The following CROT variants were observed in gnomAD, a reference collection of about 807,000 sequenced individuals.
The protein encoded by CROT is carnitine O-octanoyltransferase, also known as peroxisomal carnitine O-octanoyltransferase.
A neutral mutation model predicts 89.2 loss-of-function variants in CROT; 84 were observed. The observed-to-expected ratio is 0.94, with a 90% confidence interval of 0.79 to 1.13. The LOEUF (loss-of-function observed/expected upper bound fraction) is 1.13. Ranked by LOEUF, CROT falls within the 50% of genes most tolerant of loss-of-function variation. The pLI, the probability that CROT is intolerant of heterozygous loss-of-function variation, is 0.00. For missense variants in CROT, 711 were observed against 727.8 expected, an observed-to-expected ratio of 0.98 and a Z score of 0.27; for synonymous variants, 212 against 239.5, an observed-to-expected ratio of 0.89 and a Z score of 1.06.
intron 6 of CROT, among the ~76,000 whole-genome samples, chr7:87,365,089 A>C (rs534039181): frequency 1.3e-5 from 2 of 152,252 alleles, no homozygotes; most frequent in South Asian, 4.1e-4. Context: ...TTTTTTCTTC[A>C]GCATCAGTGA....
At chr7:87,359,894 A>G in intron 4 of CROT, 1 of 985,666 alleles carries the variant, frequency 1.0e-6, no homozygotes, top group African/African-American at 1.7e-5. Flanking sequence ...GTACTTCTCT[A>G]CTATGAATCA....
chr7:87,381,529 C>T (rs2116020520), intron 10 of CROT, among the ~76,000 whole-genome samples: 1 of 152,338 alleles, frequency 6.6e-6, no homozygotes, highest in South Asian at 2.1e-4. Flanking sequence ...TTGCCATCCC[C>T]ATCTGCTTTT....
intron 1 of CROT, 95 bp downstream of exon 1, chr7:87,345,862 G>T (rs776140391): frequency 1.9e-4 from 30 of 159,614 alleles, no homozygotes; most frequent in Admixed American, 6.6e-5. Context: ...GCCTGGATTT[G>T]GTGGGGGAGT....
intron 7 of CROT, among the ~76,000 whole-genome samples, chr7:87,371,670 T>C (rs1014119582): frequency 5.3e-5 from 8 of 152,164 alleles, no homozygotes; most frequent in African/African-American, 1.9e-4. Context: ...CTAATCATTG[T>C]TGACATGGTA....
intron 3 of CROT, chr7:87,357,597 T>C: frequency 1.9e-6 from 2 of 1,043,246 alleles, no homozygotes; most frequent in Non-Finnish European, 2.9e-6. Flanking sequence ...CAAGGTGAGT[T>C]GCAGAGTGCA....
intron 10 of CROT, among the ~76,000 whole-genome samples, chr7:87,377,769 G>C (rs1181517299): frequency 6.6e-6 from 1 of 152,092 alleles, no homozygotes; most frequent in African/African-American, 2.4e-5. Context: ...ATGGCATTAT[G>C]TATGTGTTCT....
At chr7:87,395,809 C>G (rs1462910666) in intron 17 of CROT, among the ~76,000 whole-genome samples, 2 of 152,078 alleles carry the variant, frequency 1.3e-5, no homozygotes, top group Admixed American at 1.3e-4. Flanking sequence ...AGACATGTCT[C>G]TAATTCAGGC....
chr7:87,370,711 C>A (rs802056), intron 7 of CROT, among the ~76,000 whole-genome samples: 3,355 of 152,286 alleles, frequency 0.022, 132 homozygotes, highest in African/African-American at 0.075. Context: ...CTCTTCCAGA[C>A]TTTCACTCCT....
At chr7:87,370,836 G>A (rs994688872) in intron 7 of CROT, among the ~76,000 whole-genome samples, 25 of 152,166 alleles carry the variant, frequency 1.6e-4, no homozygotes, top group African/African-American at 5.8e-4. Flanking sequence ...TCTGTCTGGA[G>A]CACACCCAGG....
At chr7:87,374,576 A>G (rs1392032006) in intron 7 of CROT, among the ~76,000 whole-genome samples, 1 of 152,092 alleles carries the variant, frequency 6.6e-6, no homozygotes, top group Non-Finnish European at 1.5e-5. Flanking sequence ...ATCAGTAGTT[A>G]CTAAAGAAAG....
chr7:87,375,501 GCAT>G, intron 7 of CROT, 128 bp from the exon 8 acceptor site: 1 of 585,352 alleles, frequency 1.7e-6, no homozygotes, highest in Non-Finnish European at 3.0e-6. Context: ...AAATCTATTG[GCAT>G]CATAAGTGGT....
chr7:87,387,375 G>T (rs1807214869), intron 13 of CROT, among the ~76,000 whole-genome samples: 1 of 151,302 alleles, frequency 6.6e-6, no homozygotes, highest in Non-Finnish European at 1.5e-5. Flanking sequence ...TTATTTTCTA[G>T]TTATCCCATC....
At chr7:87,365,438 C>T (rs937425951) in intron 6 of CROT, among the ~76,000 whole-genome samples, 45 of 150,058 alleles carry the variant, frequency 3.0e-4, no homozygotes, top group Non-Finnish European at 5.2e-4. Flanking sequence ...TGCAGTGAGC[C>T]GAGATCATGC....
chr7:87,360,566 C>T (rs1225353507), intron 4 of CROT, among the ~76,000 whole-genome samples: 2 of 152,134 alleles, frequency 1.3e-5, no homozygotes, highest in African/African-American at 4.8e-5. Flanking sequence ...GTCTCAAATT[C>T]CTGGCCTCAA....
chr7:87,349,877 A>T (rs756146342), intron 3 of CROT, among the ~76,000 whole-genome samples: 3 of 152,158 alleles, frequency 2.0e-5, no homozygotes, highest in Admixed American at 6.5e-5. Flanking sequence ...GAGGCAGTAG[A>T]TGTTGATGGT....
At chr7:87,397,985 A>G (rs1343590794) in intron 17 of CROT, among the ~76,000 whole-genome samples, 5 of 152,070 alleles carry the variant, frequency 3.3e-5, no homozygotes, top group African/African-American at 1.2e-4. Flanking sequence ...CACTTGCCAG[A>G]TCTGGGATTT....
intron 17 of CROT, 64 bp from the exon 18 acceptor site, chr7:87,398,460 T>TTGTA (rs1179762194): frequency 6.3e-7 from 1 of 1,584,410 alleles, no homozygotes; most frequent in African/African-American, 1.3e-5. Flanking sequence ...AAAGTCCTGG[T>TTGTA]TGTATTCACC....
At chr7:87,346,042 T>A (rs1805658692) in intron 1 of CROT, among the ~76,000 whole-genome samples, 1 of 152,186 alleles carries the variant, frequency 6.6e-6, no homozygotes, top group Non-Finnish European at 1.5e-5. Flanking sequence ...CCTCTGCTCC[T>A]GCTTCTACCC....
At chr7:87,382,948 A>C (rs1807069133) in intron 13 of CROT, among the ~76,000 whole-genome samples, 1 of 152,228 alleles carries the variant, frequency 6.6e-6, no homozygotes, top group Non-Finnish European at 1.5e-5. Flanking sequence ...CCTAAGAAGA[A>C]GTAGAAGTCC....
Sources: gnomAD v4.1 joint callset for allele counts (sites outside exome capture counted in the v4.1 genomes callset) on GRCh38, gnomAD v4.1.1 for gene constraint, MANE v1.5 for transcripts, NCBI Gene and HGNC (gene_info 2026-07-23, HGNC 2026-07-21) for gene names.